The following SLC15A5 variants were observed in gnomAD, a reference collection of about 807,000 sequenced individuals.
The protein encoded by SLC15A5 is Peptide/histidine transporter ENSP00000340402.
A neutral mutation model predicts 56.1 loss-of-function variants in SLC15A5; 58 were observed. The ratio of observed to expected loss-of-function variants is 1.03; its 90% CI spans 0.84 to 1.29. The LOEUF (loss-of-function observed/expected upper bound fraction) is 1.29, where lower values mean the gene tolerates loss of function less well. Ranked by LOEUF, SLC15A5 falls within the 50% of genes most tolerant of loss-of-function variation. SLC15A5 has a pLI of 0.00. For missense variants in SLC15A5, 681 were observed against 672.1 expected (o/e 1.01, Z -0.15); for synonymous variants, 264 against 250.5 (o/e 1.05, Z -0.51).
At chr12:16,195,967 A>G (rs540089876) in intron 7 of SLC15A5, among the ~76,000 whole-genome samples, 2 of 152,212 alleles carry the variant, frequency 1.3e-5, no homozygotes, top group African/African-American at 4.8e-5. Flanking sequence ...ATTATAGCAC[A>G]AATAAATAAA....
chr12:16,249,111 A>G (rs1474031763), intron 3 of SLC15A5, among the ~76,000 whole-genome samples: 1 of 152,060 alleles, frequency 6.6e-6, no homozygotes, highest in African/African-American at 2.4e-5. Flanking sequence ...AAAAAAGCCT[A>G]CATTGCACTC....
intron 6 of SLC15A5, among the ~76,000 whole-genome samples, chr12:16,220,692 T>A (rs901089961): frequency 6.6e-6 from 1 of 152,240 alleles, no homozygotes; most frequent in Non-Finnish European, 1.5e-5. Flanking sequence ...GTTGGATCAA[T>A]AACTGTACCC....
Position 16,194,515 on chromosome 12 carries a change from A to G in SLC15A5, c.1484-62T>C, listed in dbSNP as rs544985543. On this transcript the variant is annotated intron_variant, in intron 7 of 8. Transcript: ENST00000344941. ...AGTTGTAAGTTTCTGTGAATATTTT[A>G]TCATTCCACAATTCATAGAGCTTTG... 2.7e-5 allele frequency: 31 copies of G among 1,140,618 alleles called. No individual in the cohort carries two copies. The African/African-American group carries it at 3.4e-4, about 12-fold the overall frequency. 70.7% of individuals were successfully genotyped at this position (1,140,618 alleles called of 1,614,324 possible).
intron 2 of SLC15A5, among the ~76,000 whole-genome samples, chr12:16,263,701 T>A (rs1864665005): frequency 6.6e-6 from 1 of 152,114 alleles, no homozygotes; most frequent in Non-Finnish European, 1.5e-5. Context: ...GTGCTGTGTG[T>A]AGTCTAGGGA....
intron 3 of SLC15A5, among the ~76,000 whole-genome samples, chr12:16,246,587 ATT>A (rs1864463673): frequency 6.6e-6 from 1 of 152,160 alleles, no homozygotes; most frequent in Admixed American, 6.6e-5. Flanking sequence ...ACTGATCCAA[ATT>A]AACTTTATGC....
At chr12:16,262,918 T>C (rs1332553880) in intron 2 of SLC15A5, among the ~76,000 whole-genome samples, 1 of 125,326 alleles carries the variant, frequency 8.0e-6, no homozygotes, top group Non-Finnish European at 1.7e-5. Context: ...TCTCCAGCCA[T>C]GTGTAACTGT....
intron 3 of SLC15A5, among the ~76,000 whole-genome samples, chr12:16,252,563 G>A (rs1164580817): frequency 2.0e-5 from 3 of 151,940 alleles, no homozygotes; most frequent in Non-Finnish European, 4.4e-5. Context: ...CTATAGCATT[G>A]AAAAGATAAA....
intron 1 of SLC15A5, among the ~76,000 whole-genome samples, chr12:16,275,455 T>A (rs1864806886): frequency 6.6e-6 from 1 of 152,010 alleles, no homozygotes; most frequent in Non-Finnish European, 1.5e-5. Context: ...GATTTATTTG[T>A]TCAGGAAGTC....
chr12:16,275,688 TA>T (rs1326621606), intron 1 of SLC15A5, among the ~76,000 whole-genome samples: 1 of 151,934 alleles, frequency 6.6e-6, no homozygotes, highest in South Asian at 2.1e-4. Context: ...TAACTTTTAG[TA>T]AAAAAATGAA....
intron 4 of SLC15A5, among the ~76,000 whole-genome samples, chr12:16,241,971 G>A (rs894710086): frequency 2.6e-5 from 4 of 152,082 alleles, no homozygotes; most frequent in Non-Finnish European, 5.9e-5. Context: ...TCATCGCCCT[G>A]TAAAATTTTA....
chr12:16,194,436 TG>T lies in SLC15A5; in HGVS notation c.1500del (p.Asn500LysfsTer3), dbSNP rs1236656005. 1 of 1,534,528 alleles carries T rather than the reference TG, an allele frequency of 6.5e-7. No individual in the cohort carries two copies. The highest frequency in any genetic ancestry group is 2.0e-5 in the Admixed American group (1 of 50,910). On this transcript the variant is annotated frameshift_variant, in exon 8 of 9. Transcript: ENST00000344941. LOFTEE classifies it high-confidence loss of function. ...CTTTCTAAATTGCCTTTGTTTAATG[TG>T]TTTGGAAACCAATTGCCTGTTTGGA... ...YLISDGNWFP[N>X]TLNKGNLESF... is the part of the protein sequence containing the mutation.
intron 1 of SLC15A5, among the ~76,000 whole-genome samples, 151 bp from the exon 2 acceptor site, chr12:16,272,934 C>T (rs368236429): frequency 5.9e-5 from 9 of 152,010 alleles, no homozygotes; most frequent in South Asian, 2.1e-4. Context: ...TCAGGGATAG[C>T]CTGATGTTTT....
chr12:16,247,897 G>C (rs1276327930), intron 3 of SLC15A5, among the ~76,000 whole-genome samples: 1 of 152,124 alleles, frequency 6.6e-6, no homozygotes, highest in Non-Finnish European at 1.5e-5. Context: ...TGGAACCCTA[G>C]TAGCTGCATG....
intron 8 of SLC15A5, among the ~76,000 whole-genome samples, chr12:16,190,759 T>C (rs1391322271): frequency 6.6e-6 from 1 of 152,136 alleles, no homozygotes; most frequent in Non-Finnish European, 1.5e-5. Context: ...TAACTGTAAC[T>C]CTAAGAGAAT....
rs1216758795 is a variant in SLC15A5, at chr12:16,189,794, A to T, written c.1614T>A (p.Phe538Leu). 6.6e-7 allele frequency: 1 copy of T among 1,513,706 alleles called. No individual in the cohort carries two copies. 93.8% of individuals were successfully genotyped at this position (1,513,706 alleles called of 1,614,324 possible). A position where few individuals can be genotyped will look rare whatever the true frequency, so the allele number is the denominator to read the frequency against. ...VSQRYCNLNHFNAQNIRGSNL... is the reference protein window; with the variant it reads ...VSQRYCNLNHLNAQNIRGSNL... ...TACTTCCACGGATGTTCTGGGCATT[A>T]AAATGATTTAGATTACAATATCTAA... Residue 538 changes from phenylalanine (F) to leucine (L), a missense_variant, in exon 9 of 9, where the codon TTT becomes TTA. By Grantham distance (22) the Phe-to-Leu change is conservative. Transcript: ENST00000344941.
chr12:16,239,704 C>A lies in SLC15A5; in HGVS notation c.1139G>T (p.Gly380Val). 6.5e-7 allele frequency: 1 copy of A among 1,537,008 alleles called. No individual in the cohort carries two copies. Among genetic ancestry groups the A allele is most frequent in the South Asian group, 1.2e-5 (1 of 83,956 alleles). ...STCLFPSKRV[G>V]SFLSTCIIAG... ...ACTGATGCATGTTGACAGAAATGAT[C>A]CAACTCTCTTAGAGGGAAACAGGCA... Residue 380 changes from glycine (G) to valine (V), a missense_variant, in exon 5 of 9, where the codon GGA becomes GTA. Transcript: ENST00000344941.
At chr12:16,201,623 A>G (rs1049807904) in intron 7 of SLC15A5, among the ~76,000 whole-genome samples, 3 of 152,084 alleles carry the variant, frequency 2.0e-5, no homozygotes, top group Non-Finnish European at 2.9e-5. Flanking sequence ...TGAGTGAGTT[A>G]TCAGGAGATC....
chr12:16,238,309 C>T lies in SLC15A5; in HGVS notation c.1162+1372G>A, dbSNP rs188327616. Among the ~76,000 whole-genome samples, 54 of 152,088 alleles carry T rather than the reference C, an allele frequency of 3.6e-4. 1 individual carries two copies. The highest frequency in any genetic ancestry group is 6.2e-4 in the South Asian group (3 of 4,810). Reference sequence around the variant, plus strand: ...AAAAATACCTGTGACTAGAAGATTCCGCCATAGTCTCCTAAGTCTCTTAAT... The same window carrying T: ...AAAAATACCTGTGACTAGAAGATTCTGCCATAGTCTCCTAAGTCTCTTAAT... On this transcript the variant is annotated intron_variant, in intron 5 of 8. Transcript: ENST00000344941.
chr12:16,191,092 A>T (rs1449403093), intron 8 of SLC15A5, among the ~76,000 whole-genome samples: 2 of 152,118 alleles, frequency 1.3e-5, no homozygotes. Flanking sequence ...GAAAGCCTCG[A>T]GTATGACATG....
Sources: allele counts gnomAD v4.1 joint callset (sites outside exome capture counted in the v4.1 genomes callset), GRCh38; gene constraint gnomAD v4.1.1; transcripts MANE v1.5; gene names NCBI Gene and HGNC (gene_info 2026-07-23, HGNC 2026-07-21).